The following MMP20 variants were observed in gnomAD, a reference collection of about 807,000 sequenced individuals.
The protein encoded by MMP20 is matrix metallopeptidase 20.
Under a neutral mutation model 51.8 loss-of-function variants are expected in MMP20, and 50 were observed. The ratio of observed to expected loss-of-function variants is 0.97; its 90% CI spans 0.77 to 1.22. MMP20 has a LOEUF of 1.22. MMP20 is among the 50% of genes most tolerant of loss of function. The pLI is 0.00. For missense variants in MMP20, 663 were observed against 601.4 expected (o/e 1.10, Z -1.07); for synonymous variants, 244 against 216.2 (o/e 1.13, Z -1.13).
chr11:102,597,726 A>T (rs1051422785), intron 6 of MMP20, among the ~76,000 whole-genome samples: 9 of 152,232 alleles, frequency 5.9e-5, no homozygotes, highest in African/African-American at 2.2e-4. Context: ...TAGGATAGAA[A>T]TAAATGCTAT....
intron 6 of MMP20, among the ~76,000 whole-genome samples, chr11:102,600,737 G>A (rs1261466081): frequency 6.6e-6 from 1 of 151,872 alleles, no homozygotes; most frequent in Non-Finnish European, 1.5e-5. Context: ...TCCACTCGCC[G>A]CCTCTCCCAA....
chr11:102,587,764 A>C (rs1859271140), intron 8 of MMP20, among the ~76,000 whole-genome samples: 1 of 152,084 alleles, frequency 6.6e-6, no homozygotes. Flanking sequence ...ATAGCCATTC[A>C]AGCTTTCTTA....
At chr11:102,577,806 C>T (rs533227274) in intron 9 of MMP20, among the ~76,000 whole-genome samples, 2 of 152,320 alleles carry the variant, frequency 1.3e-5, no homozygotes, top group African/African-American at 2.4e-5. Flanking sequence ...CCAATGACTG[C>T]TGCCGATTCT....
chr11:102,625,152 A>G lies in MMP20; in HGVS notation c.126+42T>C, dbSNP rs143729970. The stretch of plus-strand genomic sequence containing the variant: ...CTCACTATGCCCTTTTAGGTTTTCT[A>G]GGGCAGAGGAGCAAGAAGGAATTGG... On this transcript the variant is annotated intron_variant, in intron 1 of 9. Transcript: ENST00000260228. 6 of 1,611,740 alleles carry G rather than the reference A, an allele frequency of 3.7e-6. No homozygotes were observed. The East Asian group carries it at 1.3e-4, about 36-fold the overall frequency.
chr11:102,586,739 C>A (rs989600104), intron 8 of MMP20, among the ~76,000 whole-genome samples: 1 of 152,056 alleles, frequency 6.6e-6, no homozygotes, highest in African/African-American at 2.4e-5. Flanking sequence ...ATGGTGTGAA[C>A]CCGGGAGGCG....
chr11:102,622,057 G>A (rs1859757745), intron 1 of MMP20, among the ~76,000 whole-genome samples: 1 of 152,106 alleles, frequency 6.6e-6, no homozygotes, highest in East Asian at 1.9e-4. Flanking sequence ...ATGAGAATAG[G>A]TAAGCATTTT....
At chr11:102,595,253 A>C in intron 6 of MMP20, among the ~76,000 whole-genome samples, 1 of 152,102 alleles carries the variant, frequency 6.6e-6, no homozygotes. Context: ...TTAAGGAAAA[A>C]CACAACTTTT....
intron 6 of MMP20, chr11:102,605,576 C>T (rs1455393817): frequency 6.6e-6 from 1 of 151,944 alleles, no homozygotes; most frequent in African/African-American, 2.4e-5. Flanking sequence ...TGTTTTGTTT[C>T]ATGGGCCTAA....
chr11:102,609,789 C>T (rs908682436), intron 4 of MMP20, 116 bp downstream of exon 4: 13 of 1,479,802 alleles, frequency 8.8e-6, no homozygotes, highest in African/African-American at 2.8e-5. Flanking sequence ...ACTTGTTTTT[C>T]CTAGCCAGCC....
intron 7 of MMP20, 52 bp from the exon 8 acceptor site, chr11:102,593,647 C>A (rs1442576961): frequency 6.3e-7 from 1 of 1,583,048 alleles, no homozygotes; most frequent in South Asian, 1.1e-5. Flanking sequence ...TGGTGATGCA[C>A]TTCTCTCATA....
chr11:102,591,951 G>GA (rs1348127904), intron 8 of MMP20, among the ~76,000 whole-genome samples: 1 of 152,202 alleles, frequency 6.6e-6, no homozygotes, highest in African/African-American at 2.4e-5. Context: ...GGGCAAGAGA[G>GA]ACAATGGGAG....
rs931140624 is a variant in MMP20 at position 102,583,326 on chromosome 11, G to GT, written c.1248-4185dup. The GT allele has an allele frequency of 5.9e-5, 9 of 152,256 alleles. No homozygotes were observed. The East Asian group carries it at 1.3e-3, about 23-fold the overall frequency. The allele number at this position is 152,256 out of a possible 1,614,324, so 9.4% of individuals were successfully genotyped here. A position where few individuals can be genotyped will look rare whatever the true frequency, so the allele number is the denominator to read the frequency against. On this transcript the variant is annotated intron_variant, in intron 8 of 9. Transcript: ENST00000260228. ...TCTCTCTTATTTAAACAATTCAGTG[G>GT]TTTTTTAGTGCACAGTCATTTGCCA...
intron 6 of MMP20, among the ~76,000 whole-genome samples, chr11:102,602,210 T>C (rs7935866): frequency 0.51 from 72,931 of 143,676 alleles, 19,220 homozygotes; most frequent in South Asian, 0.66. Context: ...CCTTGTGATC[T>C]GCCCACCTCG....
chr11:102,591,765 G>T (rs1859320080), intron 8 of MMP20, among the ~76,000 whole-genome samples: 1 of 152,160 alleles, frequency 6.6e-6, no homozygotes, highest in Admixed American at 6.5e-5. Context: ...GGGGCAAAGA[G>T]CATCACTAAA....
In MMP20 at chr11:102,609,978, T is replaced by A. The variant is rs772663056; in HGVS notation, c.576A>T (p.Ala192=). The A allele has an allele frequency of 3.1e-6, 5 of 1,613,996 alleles. No individual in the cohort carries two copies. Among genetic ancestry groups the A allele is most frequent in the Non-Finnish European group, 4.2e-6 (5 of 1,180,014 alleles). The part of the protein sequence containing the change: ...FDGPRGTLAH[A]FAPGEGLGGD... ...CTCCCAGGCCTTCTCCAGGAGCAAA[T>A]GCATGGGCTAGAGTCCCCCGAGGCC... The change falls in exon 4 of 10, where the codon GCA becomes GCT. Residue 192 remains alanine (A), a synonymous_variant. Transcript: ENST00000260228.
rs146080568 is a variant in MMP20, at chr11:102,576,937, T to A, written c.*389A>T. ...AGCCATTGCTTGTAAATAATTATAATTCATACTGTAATGACATTTCCTATG... is the reference window on the plus strand; with the variant it reads ...AGCCATTGCTTGTAAATAATTATAAATCATACTGTAATGACATTTCCTATG... On this transcript the variant is annotated 3_prime_UTR_variant, in exon 10 of 10. Coordinates refer to ENST00000260228, the MANE Select transcript of MMP20 (RefSeq NM_004771.4). 46 of 183,360 alleles carry A rather than the reference T, an allele frequency of 2.5e-4. No individual in the cohort carries two copies. Among genetic ancestry groups the A allele is most frequent in the African/African-American group, 9.5e-4 (40 of 42,084 alleles). The allele number at this position is 183,360 out of a possible 1,614,324, so 11.4% of individuals were successfully genotyped here.
In MMP20 at chr11:102,616,835, C is replaced by T; in HGVS notation, c.351G>A (p.Trp117Ter). 1.2e-6 allele frequency: 2 copies of T among 1,613,642 alleles called. No individual in the cohort carries two copies. Among genetic ancestry groups the T allele is most frequent in the Non-Finnish European group, 1.7e-6 (2 of 1,179,808 alleles). The change falls in exon 2 of 10, where the codon TGG becomes TGA. Residue 117 changes from tryptophan (W) to a stop codon, truncating the protein, a stop_gained. Coordinates refer to ENST00000260228, the MANE Select transcript of MMP20 (RefSeq NM_004771.4). LOFTEE classifies it high-confidence loss of function. ...ACCTGTATGTCAAAGTATTTTTTTTCCATTTGGGTTCACCAGGGAAGAGGC... is the reference window on the plus strand; with the variant it reads ...ACCTGTATGTCAAAGTATTTTTTTTTCATTTGGGTTCACCAGGGAAGAGGC... ...NYRLFPGEPK[W>*]KKNTLTYRIS...
chr11:102,610,130 A>G (rs1859578906), intron 3 of MMP20, 100 bp from the exon 4 acceptor site: 2 of 1,258,178 alleles, frequency 1.6e-6, no homozygotes, highest in Non-Finnish European at 2.3e-6. Context: ...TAGCATTGAC[A>G]CTTAAATTCA....
chr11:102,610,129 C>T, intron 3 of MMP20, 99 bp from the exon 4 acceptor site: 3 of 1,254,572 alleles, frequency 2.4e-6, no homozygotes, highest in East Asian at 5.0e-5. Flanking sequence ...GTAGCATTGA[C>T]ACTTAAATTC....
Sources: allele counts gnomAD v4.1 joint callset (sites outside exome capture counted in the v4.1 genomes callset), GRCh38; gene constraint gnomAD v4.1.1; transcripts MANE v1.5; gene names NCBI Gene and HGNC (gene_info 2026-07-23, HGNC 2026-07-21).